Variants in ASAH1 observed in about 807,000 individuals in gnomAD.
ASAH1 encodes the protein acid ceramidase.
Under a neutral mutation model 59.5 loss-of-function variants are expected in ASAH1, and 70 were observed. The observed-to-expected ratio is 1.18, with a 90% CI of 0.97 to 1.43. The LOEUF (loss-of-function observed/expected upper bound fraction) is 1.43, where lower values mean the gene tolerates loss of function less well. Among genes scored for constraint, ASAH1 ranks in the 40% most tolerant of loss-of-function variants. ASAH1 has a pLI of 0.00. For missense variants in ASAH1, 660 were observed against 482.5 expected (o/e 1.37, Z -3.45); for synonymous variants, 213 against 166.5 (o/e 1.28, Z -2.15).
At chr8:18,059,126 G>C in intron 12 of ASAH1, 1 of 739,680 alleles carries the variant, frequency 1.4e-6, no homozygotes, top group Non-Finnish European at 2.2e-6. Flanking sequence ...TTCAACTTCA[G>C]AGTGGTATCC....
At chr8:18,076,542 T>G (rs1199847692) in intron 1 of ASAH1, 1 of 150,374 alleles carries the variant, frequency 6.7e-6, no homozygotes, top group East Asian at 1.9e-4. Context: ...TCATTCAACA[T>G]ATCAAGTGTC....
upstream of ASAH1, chr8:18,084,573 T>C: frequency 6.4e-7 from 1 of 1,555,724 alleles, no homozygotes. Flanking sequence ...ATGAGTTGAG[T>C]TATTCATCCC....
At chr8:18,073,009 C>T (rs547638356) in intron 2 of ASAH1, among the ~76,000 whole-genome samples, 3 of 152,100 alleles carry the variant, frequency 2.0e-5, no homozygotes, top group Non-Finnish European at 2.9e-5. Context: ...AGGGGATGAA[C>T]ACAACACAAC....
rs377488179 is a variant in ASAH1, at chr8:18,072,862, A to G, written c.126-1472T>C. Among the ~76,000 whole-genome samples the G allele has an allele frequency of 1.1e-4, 17 of 152,258 alleles. 1 individual carries two copies. In the South Asian group the frequency reaches 3.3e-3, roughly 30 times the overall value. ...TGTTGGAGATATGCATCTCATCCCT[A>G]TGAACTCCAATCAGCTGCTCCTCAC... On this transcript the variant is annotated intron_variant, in intron 2 of 13. Transcript: ENST00000637790.
chr8:18,082,675 G>A (rs1027654534), intron 1 of ASAH1: 2 of 152,130 alleles, frequency 1.3e-5, no homozygotes, highest in East Asian at 1.9e-4. Flanking sequence ...TCATGCAACC[G>A]AAGTTCAAAT....
chr8:18,065,122 C>G (rs891736548), intron 5 of ASAH1: 1 of 151,738 alleles, frequency 6.6e-6, no homozygotes, highest in Non-Finnish European at 1.5e-5. Context: ...GTTTTTTTCA[C>G]CCAAATCCAA....
intron 1 of ASAH1, chr8:18,082,474 C>T (rs1334029276): frequency 6.6e-6 from 1 of 152,136 alleles, no homozygotes; most frequent in Non-Finnish European, 1.5e-5. Flanking sequence ...CACACCAAGA[C>T]AAAGCAATGC....
chr8:18,064,497 T>C lies in ASAH1; in HGVS notation c.417A>G (p.Leu139=), dbSNP rs368120515. The change falls in exon 6 of 14, where the codon TTA becomes TTG. Residue 139 remains leucine, a synonymous_variant. Transcript: ENST00000637790. The part of the protein sequence containing the change: ...EIISFNIFYE[L]FTICTSIVAE... ...CTACTATTGAAGTACAAATGGTAAATAATTCATAAAAAATATTGAATGAAA... is the reference window on the plus strand; with the variant it reads ...CTACTATTGAAGTACAAATGGTAAACAATTCATAAAAAATATTGAATGAAA... 6.3e-7 allele frequency: 1 copy of C among 1,577,796 alleles called. No individual in the cohort carries two copies. The highest frequency in any genetic ancestry group is 8.7e-7 in the Non-Finnish European group (1 of 1,149,956).
At chr8:18,058,565 T>A in intron 13 of ASAH1, 1 of 460,974 alleles carries the variant, frequency 2.2e-6, no homozygotes, top group South Asian at 2.5e-5. Context: ...TTTTAATAGA[T>A]ACCAATAAGA....
chr8:18,063,148 G>C, intron 7 of ASAH1, 37 bp downstream of exon 7: 1 of 1,603,974 alleles, frequency 6.2e-7, no homozygotes. Flanking sequence ...GATTACAGGC[G>C]TGAACCACCA....
rs58870421 is a variant in ASAH1 at position 18,083,906 on chromosome 8, C to T, written c.78+75G>A. On this transcript the variant is annotated intron_variant, in intron 1 of 13. Coordinates refer to ENST00000637790, the MANE Select transcript of ASAH1 (RefSeq NM_177924.5). ...ACGAGGTGTTCCTTGTACCCGCTCG[C>T]GCCGCCACACCTGCGCCTCCATCCG... The T allele has an allele frequency of 2.7e-3, 4,232 of 1,544,194 alleles. 110 individuals are homozygous for T. The African/African-American group carries it at 0.051, about 19-fold the overall frequency.
At chr8:18,083,803 G>A (rs1234896829) in intron 1 of ASAH1, 178 bp downstream of exon 1, 1 of 1,300,372 alleles carries the variant, frequency 7.7e-7, no homozygotes, top group Non-Finnish European at 1.0e-6. Flanking sequence ...AATCTACCGA[G>A]GACGGGGTTC....
Position 18,063,466 on chromosome 8 carries a change from GCTA to G in ASAH1, c.458-239_458-237del, listed in dbSNP as rs373002183. The G allele has an allele frequency of 2.3e-3, 941 of 411,158 alleles. 8 individuals carry two copies. The highest frequency in any genetic ancestry group is 0.02 in the African/African-American group (877 of 44,080). The allele number at this position is 411,158 out of a possible 1,614,324, so 25.5% of individuals were successfully genotyped here. A position where few individuals can be genotyped will look rare whatever the true frequency, so the allele number is the denominator to read the frequency against. ...TTACAGACATGTGCGACCGCACCTG[GCTA>G]CTTTTTTTTTTTTTTTGTATTTTTC... On this transcript the variant is annotated intron_variant, in intron 6 of 13. Transcript: ENST00000637790.
chr8:18,067,250 C>T lies in ASAH1; in HGVS notation c.352G>A (p.Gly118Ser). The T allele has an allele frequency of 1.3e-6, 2 of 1,595,792 alleles. No homozygotes were observed. The highest frequency in any genetic ancestry group is 1.7e-6 in the Non-Finnish European group (2 of 1,169,428). ...FPGPFEEEMK[G>S]IAAVTDIPLG... ...GGTATATCAGTAACAGCGGCAATAC[C>T]CTTCATTTCCTCTTCAAAAGGGCCA... The change falls in exon 5 of 14, where the codon GGT becomes AGT. Residue 118 changes from glycine to serine, a missense_variant. Physicochemically the swap from Gly to Ser is moderately conservative, Grantham distance 56. Coordinates refer to ENST00000637790, the MANE Select transcript of ASAH1 (RefSeq NM_177924.5).
At chr8:18,066,700 A>G (rs1200777956) in intron 5 of ASAH1, 1 of 153,368 alleles carries the variant, frequency 6.5e-6, no homozygotes, top group African/African-American at 2.4e-5. Flanking sequence ...CAATTACTCT[A>G]TAACACAACA....
At chr8:18,080,012 C>T (rs891726384) in intron 1 of ASAH1, among the ~76,000 whole-genome samples, 4 of 152,162 alleles carry the variant, frequency 2.6e-5, no homozygotes, top group Admixed American at 2.6e-4. Flanking sequence ...GCATTCCCAG[C>T]GTTTAGGAGT....
At chr8:18,073,829 G>C (rs763203969) in intron 2 of ASAH1, among the ~76,000 whole-genome samples, 1 of 152,176 alleles carries the variant, frequency 6.6e-6, no homozygotes, top group South Asian at 2.1e-4. Flanking sequence ...AGAAGGATAA[G>C]AGCAAAGCCG....
intron 2 of ASAH1, chr8:18,073,414 A>G (rs1800256789): frequency 2.2e-6 from 2 of 905,526 alleles, no homozygotes; most frequent in East Asian, 2.8e-5. Flanking sequence ...AGTGTTTGCA[A>G]TGTCCATGCC....
At chr8:18,070,609 T>C (rs1034800321) in intron 3 of ASAH1, among the ~76,000 whole-genome samples, 1 of 152,200 alleles carries the variant, frequency 6.6e-6, no homozygotes, top group Non-Finnish European at 1.5e-5. Context: ...ATTAATACAG[T>C]AAGTCTAATT....
Sources: gnomAD v4.1 joint callset for allele counts (sites outside exome capture counted in the v4.1 genomes callset) on GRCh38, gnomAD v4.1.1 for gene constraint, MANE v1.5 for transcripts, NCBI Gene and HGNC (gene_info 2026-07-23, HGNC 2026-07-21) for gene names.